AKAP12: variants seen among roughly 807,000 people sequenced by gnomAD.
AKAP12 encodes the protein A-kinase anchoring protein 12.
AKAP12 carries 32 observed loss-of-function variants against 79.9 expected under a neutral mutation model. That is an observed-to-expected ratio of 0.40 (90% confidence interval 0.30 to 0.54). The LOEUF (loss-of-function observed/expected upper bound fraction) is 0.54. Ranked by LOEUF, AKAP12 falls within the 20% of genes least tolerant of loss-of-function variation. AKAP12 has a pLI of 0.48. For missense variants in AKAP12, 2,074 were observed against 2,177.0 expected (o/e 0.95, Z 0.94); for synonymous variants, 808 against 857.0 (o/e 0.94, Z 1.00).
chr6:151,302,682 T>G (rs1383389043), intron 2 of AKAP12, among the ~76,000 whole-genome samples: 1 of 152,202 alleles, frequency 6.6e-6, no homozygotes, highest in Non-Finnish European at 1.5e-5. Context: ...CCGAAGTTTA[T>G]TGCATTGAAA....
chr6:151,345,930 T>TGAGAGAGAGAGAGAGAGAGAGA (rs1419080142), intron 3 of AKAP12, among the ~76,000 whole-genome samples: 2 of 108,820 alleles, frequency 1.8e-5, no homozygotes, highest in South Asian at 2.7e-4. Context: ...TGTGTGTGTG[T>TGAGAGAGAGAGAGAGAGAGAGA]GTGAGAGAGA....
At chr6:151,279,358 C>T (rs1428709767) in intron 2 of AKAP12, among the ~76,000 whole-genome samples, 3 of 152,032 alleles carry the variant, frequency 2.0e-5, no homozygotes, top group African/African-American at 4.8e-5. Flanking sequence ...ATTTGGTTCT[C>T]GTCAGTGTCA....
chr6:151,343,609 C>A (rs1778005377), intron 3 of AKAP12, among the ~76,000 whole-genome samples: 1 of 152,008 alleles, frequency 6.6e-6, no homozygotes, highest in African/African-American at 2.4e-5. Flanking sequence ...CATGGTGAAA[C>A]CTTATCTGTA....
Position 151,351,549 on chromosome 6 carries a change from A to C in AKAP12, c.3158A>C (p.Glu1053Ala), listed in dbSNP as rs1162819537. ...LQAVAEKVKE[E>A]SQLPGTGGPE... ...GCAGTGGCAGAAAAAGTGAAAGAGG[A>C]ATCCCAGCTGCCTGGCACCGGTGGG... The change falls in exon 4 of 5, where the codon GAA becomes GCA. Residue 1053 changes from glutamate (E) to alanine (A), a missense_variant. Physicochemically the swap from Glu to Ala is moderately radical, Grantham distance 107. Coordinates refer to ENST00000402676, the MANE Select transcript of AKAP12 (RefSeq NM_005100.4). The surrounding 1 kb of genome is among the most constrained non-coding windows in gnomAD (Gnocchi z 4.4). The C allele has an allele frequency of 3.7e-6, 6 of 1,614,122 alleles. No individual in the cohort carries two copies. Among genetic ancestry groups the C allele is most frequent in the Non-Finnish European group, 5.1e-6 (6 of 1,180,026 alleles).
chr6:151,334,782 C>G (rs913687853), intron 3 of AKAP12, among the ~76,000 whole-genome samples: 1 of 150,978 alleles, frequency 6.6e-6, no homozygotes, highest in Non-Finnish European at 1.5e-5. Flanking sequence ...CCACCATGTT[C>G]GGCTGATTTT....
rs572752005 is a variant in AKAP12, at chr6:151,324,021, G to T, written c.319+18118G>T. On this transcript the variant is annotated intron_variant, in intron 3 of 4. Coordinates refer to ENST00000402676, the MANE Select transcript of AKAP12 (RefSeq NM_005100.4). ...GATTTGCACAGCCAGGACACTCTGG[G>T]GCTGGGATTGGGAGGAGAGGAATGG... The T allele has an allele frequency of 1.0e-5, 10 of 985,412 alleles. No homozygotes were observed. In the East Asian group the frequency reaches 1.0e-3, roughly 101 times the overall value. The allele number at this position is 985,412 out of a possible 1,614,324, so 61.0% of individuals were successfully genotyped here.
intron 3 of AKAP12, among the ~76,000 whole-genome samples, chr6:151,329,219 G>A (rs2005460): frequency 0.55 from 84,018 of 151,816 alleles, 26,926 homozygotes; most frequent in African/African-American, 0.87. Context: ...GGTTCAAGCA[G>A]TTCTCCCTGC....
chr6:151,350,125 T>C lies in AKAP12; in HGVS notation c.1734T>C (p.Cys578=). The change falls in exon 4 of 5, where the codon TGT becomes TGC. Residue 578 remains cysteine, a synonymous_variant. Transcript: ENST00000402676. This position sits in a 1 kb window ranked among gnomAD's most constrained non-coding sequence, Gnocchi z 4.8. ...CTGAGGAGCCCGAGGAGATCACGTG[T>C]CTGGAAAAGGGCTTAGCCGAGGTGC... ...SSPEEPEEIT[C]LEKGLAEVQQ... 3.7e-6 allele frequency: 6 copies of C among 1,613,240 alleles called. No homozygotes were observed. The highest frequency in any genetic ancestry group is 5.1e-6 in the Non-Finnish European group (6 of 1,179,760).
intron 3 of AKAP12, 31 bp from the exon 4 acceptor site, chr6:151,348,680 T>TTGGGGGGGGGGGGG: frequency 2.0e-5 from 7 of 355,200 alleles, no homozygotes; most frequent in East Asian, 5.8e-5. Flanking sequence ...TTTTCTCTTC[T>TTGGGGGGGGGGGGG]CCCCACCCCC....
At chr6:151,285,322 T>TATTTTTCA (rs1238685117) in intron 2 of AKAP12, among the ~76,000 whole-genome samples, 3 of 152,102 alleles carry the variant, frequency 2.0e-5, no homozygotes, top group African/African-American at 7.2e-5. Context: ...TTCACATTAC[T>TATTTTTCA]GAGTTTGCTA....
intron 2 of AKAP12, among the ~76,000 whole-genome samples, chr6:151,297,444 G>A (rs145598099): frequency 0.037 from 5,650 of 151,534 alleles, 326 homozygotes; most frequent in African/African-American, 0.13. Context: ...GTGGTGGTGC[G>A]CACCTGTAAT....
At chr6:151,342,508 T>C (rs1426060591) in intron 3 of AKAP12, among the ~76,000 whole-genome samples, 2 of 151,888 alleles carry the variant, frequency 1.3e-5, no homozygotes, top group African/African-American at 4.8e-5. Flanking sequence ...TTGTATGGAG[T>C]GAGTAGATTG....
At chr6:151,248,207 A>G (rs1294183688) in intron 2 of AKAP12, among the ~76,000 whole-genome samples, 1 of 151,318 alleles carries the variant, frequency 6.6e-6, no homozygotes, top group East Asian at 1.9e-4. Flanking sequence ...ACACCCCTAC[A>G]CCTCATCCTG....
At chr6:151,288,863 T>G (rs901119684) in intron 2 of AKAP12, among the ~76,000 whole-genome samples, 2 of 152,220 alleles carry the variant, frequency 1.3e-5, no homozygotes, top group African/African-American at 4.8e-5. Flanking sequence ...AGCTAAAAAT[T>G]AAGGGATTAA....
chr6:151,351,567 C>T lies in AKAP12; in HGVS notation c.3176C>T (p.Thr1059Ile), dbSNP rs543657566. Residue 1059 changes from threonine (T) to isoleucine (I), a missense_variant, in exon 4 of 5, where the codon ACC becomes ATC. By Grantham distance (89) the Thr-to-Ile change is moderately conservative. Coordinates refer to ENST00000402676, the MANE Select transcript of AKAP12 (RefSeq NM_005100.4). This position sits in a 1 kb window ranked among gnomAD's most constrained non-coding sequence, Gnocchi z 4.4. ...KVKEESQLPG[T>I]GGPEDVLQPV... ...AAAGAGGAATCCCAGCTGCCTGGCA[C>T]CGGTGGGCCAGAAGATGTGCTTCAG... 10 of 1,614,120 alleles carry T rather than the reference C, an allele frequency of 6.2e-6. No homozygotes were observed. Among genetic ancestry groups the T allele is most frequent in the Middle Eastern group, 1.6e-4 (1 of 6,062 alleles).
rs1330911023 is a variant in AKAP12 at position 151,352,181 on chromosome 6, A to T, written c.3790A>T (p.Thr1264Ser). 1 of 1,614,172 alleles carries T rather than the reference A, an allele frequency of 6.2e-7. No homozygotes were observed. Among genetic ancestry groups the T allele is most frequent in the East Asian group, 2.2e-5 (1 of 44,878 alleles). ...ATCCATTCTGTCAAAGACTGAGGGGACTCAAGAGGCTGACCAGTATGCTGA... is the reference window on the plus strand; with the variant it reads ...ATCCATTCTGTCAAAGACTGAGGGGTCTCAAGAGGCTGACCAGTATGCTGA... ...TVSILSKTEG[T>S]QEADQYADEK... is the part of the protein sequence containing the mutation. The change falls in exon 4 of 5, where the codon ACT becomes TCT. Residue 1264 changes from threonine (T) to serine (S), a missense_variant. Physicochemically the swap from Thr to Ser is moderately conservative, Grantham distance 58 (BLOSUM62 1). Coordinates refer to ENST00000402676, the MANE Select transcript of AKAP12 (RefSeq NM_005100.4).
intron 3 of AKAP12, among the ~76,000 whole-genome samples, chr6:151,330,743 T>G (rs1777646494): frequency 6.6e-6 from 1 of 152,198 alleles, no homozygotes; most frequent in Non-Finnish European, 1.5e-5. Flanking sequence ...TTTTTTTTTC[T>G]TTTAAGCCTC....
At chr6:151,331,922 T>G (rs1777681211) in intron 3 of AKAP12, among the ~76,000 whole-genome samples, 1 of 150,202 alleles carries the variant, frequency 6.7e-6, no homozygotes, top group Admixed American at 6.6e-5. Flanking sequence ...GGAGTACTAG[T>G]AGCACGATCA....
intron 3 of AKAP12, among the ~76,000 whole-genome samples, chr6:151,326,501 A>AG (rs1777530923): frequency 6.9e-6 from 1 of 145,014 alleles, no homozygotes; most frequent in South Asian, 2.3e-4. Context: ...AAAAAAAAAA[A>AG]AAAAAGAAAA....
Sources: allele counts gnomAD v4.1 joint callset (sites outside exome capture counted in the v4.1 genomes callset), GRCh38; gene constraint gnomAD v4.1.1; non-coding constraint Gnocchi (gnomAD v3.1); transcripts MANE v1.5; gene names NCBI Gene and HGNC (gene_info 2026-07-23, HGNC 2026-07-21).